The following HTR3A variants were observed in gnomAD, a reference collection of about 807,000 sequenced individuals.
HTR3A encodes 5-hydroxytryptamine (serotonin) receptor 3A, ionotropic.
HTR3A carries 45 observed loss-of-function variants against 54.8 expected under a neutral mutation model. The ratio of observed to expected loss-of-function variants is 0.82; its 90% CI spans 0.65 to 1.05. The LOEUF (loss-of-function observed/expected upper bound fraction) is 1.05, where lower values mean the gene tolerates loss of function less well. Among genes scored for constraint, HTR3A ranks in the 50% least tolerant of loss-of-function variants. HTR3A has a pLI of 0.00. For synonymous variants in HTR3A, 297 were observed against 256.0 expected (o/e 1.16, Z -1.53); for missense variants, 657 against 614.0 (o/e 1.07, Z -0.74).
intron 4 of HTR3A, 133 bp from the exon 5 acceptor site, chr11:113,982,987 A>G: frequency 9.6e-7 from 1 of 1,037,428 alleles, no homozygotes; most frequent in Non-Finnish European, 1.5e-6. Context: ...GAGGCCAGGC[A>G]AAACATCCAG....
chr11:113,975,248 G>T lies in HTR3A; in HGVS notation c.-78G>T, dbSNP rs767093178. 1 of 1,425,914 alleles carries T rather than the reference G, an allele frequency of 7.0e-7. No homozygotes were observed. Among genetic ancestry groups the T allele is most frequent in the South Asian group, 1.2e-5 (1 of 85,210 alleles). The allele number at this position is 1,425,914 out of a possible 1,614,324, so 88.3% of individuals were successfully genotyped here. A position where few individuals can be genotyped will look rare whatever the true frequency, so the allele number is the denominator to read the frequency against. ...GCAGGCTGGCTGGGACATGAGGTTGGCAGAGGGCAGGCAAGCTGGCCCTTG... is the reference window on the plus strand; with the variant it reads ...GCAGGCTGGCTGGGACATGAGGTTGTCAGAGGGCAGGCAAGCTGGCCCTTG... On this transcript the variant is annotated 5_prime_UTR_variant, in exon 1 of 9. Coordinates refer to ENST00000504030, the MANE Select transcript of HTR3A (RefSeq NM_000869.6).
chr11:113,979,305 C>A, intron 3 of HTR3A, 28 bp downstream of exon 3: 1 of 1,582,286 alleles, frequency 6.3e-7, no homozygotes, highest in Non-Finnish European at 8.7e-7. Context: ...TCCCTGCCCC[C>A]GTTACCCATC....
intron 6 of HTR3A, 150 bp downstream of exon 6, chr11:113,986,325 A>G (rs1342718070): frequency 3.5e-6 from 4 of 1,154,772 alleles, no homozygotes; most frequent in African/African-American, 1.5e-5. Flanking sequence ...GAGAAACTCC[A>G]TGAATGTCCC....
Position 113,983,148 on chromosome 11 carries a change from C to A in HTR3A, c.403C>A (p.Pro135Thr). 3 of 1,614,228 alleles carry A rather than the reference C, an allele frequency of 1.9e-6. No homozygotes were observed. Among genetic ancestry groups the A allele is most frequent in the Non-Finnish European group, 2.5e-6 (3 of 1,180,036 alleles). The change falls in exon 5 of 9, where the codon CCG becomes ACG. Residue 135 changes from proline to threonine, a missense_variant. Transcript: ENST00000504030. ...FVDVGKSPNI[P>T]YVYIRHQGEV... ...GGATGTGGGGAAGTCTCCAAATATC[C>A]CGTACGTGTATATTCGGCATCAAGG...
intron 8 of HTR3A, among the ~76,000 whole-genome samples, chr11:113,988,679 G>A (rs759467602): frequency 9.2e-5 from 14 of 152,042 alleles, no homozygotes; most frequent in Non-Finnish European, 1.3e-4. Context: ...AAAGAGAATC[G>A]CTTGAACTCG....
chr11:113,978,032 G>T (rs1027414653), intron 2 of HTR3A, 110 bp downstream of exon 2: 13 of 1,303,694 alleles, frequency 1.0e-5, no homozygotes, highest in Non-Finnish European at 1.3e-5. Flanking sequence ...GAACCCATAG[G>T]ACCTACGGTC....
At position 113,986,438 on chromosome 11, in the gene HTR3A, G is replaced by T. The variant is rs116448315; in HGVS notation, c.706-80G>T. On this transcript the variant is annotated intron_variant, in intron 6 of 8. Transcript: ENST00000504030. ...CCAGGCTGGAAGCCCCATAAAACAA[G>T]GAATCTGAGCTTGTGGGGTGGTTCC... is the stretch of plus-strand genomic sequence containing the variant. The T allele has an allele frequency of 2.6e-6, 4 of 1,516,706 alleles. No individual in the cohort carries two copies. In the African/African-American group the frequency reaches 5.5e-5, roughly 21 times the overall value. The allele number at this position is 1,516,706 out of a possible 1,614,324, so 94.0% of individuals were successfully genotyped here.
intron 6 of HTR3A, 126 bp downstream of exon 6, chr11:113,986,301 C>A: frequency 7.9e-7 from 1 of 1,260,022 alleles, no homozygotes; most frequent in Non-Finnish European, 1.2e-6. Context: ...TCTGGAACTT[C>A]AGTGAAGTAG....
chr11:113,983,071 G>A (rs978378678), intron 4 of HTR3A, 49 bp from the exon 5 acceptor site: 1 of 1,611,034 alleles, frequency 6.2e-7, no homozygotes, highest in Admixed American at 1.7e-5. Flanking sequence ...GGCACCCAGA[G>A]CTTGCCCTGT....
chr11:113,986,080 A>G lies in HTR3A; in HGVS notation c.610A>G (p.Met204Val). 2 of 1,614,198 alleles carry G rather than the reference A, an allele frequency of 1.2e-6. No homozygotes were observed. Among genetic ancestry groups the G allele is most frequent in the Non-Finnish European group, 1.7e-6 (2 of 1,180,022 alleles). ...EKVKSDRSVF[M>V]NQGEWELLGV... Reference sequence around the variant, plus strand: ...GGTGAAATCCGACAGGAGTGTCTTCATGAACCAGGGAGAGTGGGAGTTGCT... The same window carrying G: ...GGTGAAATCCGACAGGAGTGTCTTCGTGAACCAGGGAGAGTGGGAGTTGCT... The change falls in exon 6 of 9, where the codon ATG (methionine) becomes GTG (valine). Residue 204 changes from methionine (M) to valine (V), a missense_variant. Transcript: ENST00000504030.
rs1409835962 is a variant in HTR3A at position 113,983,147 on chromosome 11, C to T, written c.402C>T (p.Ile134=). The part of the protein sequence containing the change: ...EFVDVGKSPN[I]PYVYIRHQGE... ...TGGATGTGGGGAAGTCTCCAAATAT[C>T]CCGTACGTGTATATTCGGCATCAAG... The change falls in exon 5 of 9, where the codon ATC becomes ATT. Residue 134 remains isoleucine (I), a synonymous_variant. Transcript: ENST00000504030. The T allele has an allele frequency of 1.2e-6, 2 of 1,614,234 alleles. No individual in the cohort carries two copies. Among genetic ancestry groups the T allele is most frequent in the African/African-American group, 1.3e-5 (1 of 75,068 alleles).
At chr11:113,986,782 C>T in intron 7 of HTR3A, 43 bp from the exon 8 acceptor site, 15 of 1,614,190 alleles carry the variant, frequency 9.3e-6, no homozygotes, top group Non-Finnish European at 1.3e-5. Context: ...CGCCCCCTCC[C>T]ACCTCCTGCA....
intron 4 of HTR3A, among the ~76,000 whole-genome samples, 158 bp downstream of exon 4, chr11:113,981,470 C>T (rs565827821): frequency 1.4e-4 from 21 of 151,220 alleles, no homozygotes; most frequent in African/African-American, 4.9e-4. Context: ...CCTTTGTCTT[C>T]CCCCCCGACC....
At chr11:113,983,068 A>C in intron 4 of HTR3A, 52 bp from the exon 5 acceptor site, 7 of 1,607,250 alleles carry the variant, frequency 4.4e-6, no homozygotes, top group Non-Finnish European at 6.0e-6. Flanking sequence ...TCAGGCACCC[A>C]GAGCTTGCCC....
chr11:113,978,483 C>T lies in HTR3A; in HGVS notation c.219+561C>T, dbSNP rs550340869. Reference sequence around the variant, plus strand: ...GCAGGACCCAACTTCACAGTGGCTACTAATTTTAGTCTAGTAAAATTACTC... The same window carrying T: ...GCAGGACCCAACTTCACAGTGGCTATTAATTTTAGTCTAGTAAAATTACTC... On this transcript the variant is annotated intron_variant, in intron 2 of 8. Coordinates refer to ENST00000504030, the MANE Select transcript of HTR3A (RefSeq NM_000869.6). 5.9e-5 allele frequency among the ~76,000 whole-genome samples: 9 copies of T among 152,228 alleles called. No individual in the cohort carries two copies. In the East Asian group the frequency reaches 1.7e-3, roughly 30 times the overall value.
chr11:113,985,610 T>C (rs1031572920), intron 5 of HTR3A, among the ~76,000 whole-genome samples: 2 of 152,194 alleles, frequency 1.3e-5, no homozygotes, highest in Non-Finnish European at 2.9e-5. Context: ...GGCAGTTCCA[T>C]CAAGGCAAAG....
chr11:113,985,471 C>T (rs145260429), intron 5 of HTR3A, among the ~76,000 whole-genome samples: 1 of 152,140 alleles, frequency 6.6e-6, no homozygotes. Flanking sequence ...TCAGTATTTT[C>T]CAATATTTTG....
At position 113,986,510 on chromosome 11, in the gene HTR3A, G is replaced by T; in HGVS notation, c.706-8G>T. The T allele has an allele frequency of 6.2e-7, 1 of 1,611,872 alleles. No individual in the cohort carries two copies. The highest frequency in any genetic ancestry group is 2.2e-5 in the East Asian group (1 of 44,866). ...CCAGGCTTCCCACAAGCTCTTCTCC[G>T]GTCCCAGGTGGTCATCCGCCGGCGG... On this transcript the variant is annotated splice_region_variant and splice_polypyrimidine_tract_variant and intron_variant, in intron 6 of 8. Coordinates refer to ENST00000504030, the MANE Select transcript of HTR3A (RefSeq NM_000869.6).
intron 1 of HTR3A, among the ~76,000 whole-genome samples, chr11:113,976,056 CA>C (rs1008371549): frequency 1.3e-5 from 2 of 152,132 alleles, no homozygotes; most frequent in African/African-American, 4.8e-5. Context: ...CCTTTTGCTG[CA>C]GACCATGTTC....
Sources: gnomAD v4.1 joint callset for allele counts (sites outside exome capture counted in the v4.1 genomes callset) on GRCh38, gnomAD v4.1.1 for gene constraint, MANE v1.5 for transcripts, NCBI Gene and HGNC (gene_info 2026-07-23, HGNC 2026-07-21) for gene names.